Variants in PPP3CA observed in about 807,000 individuals in gnomAD.
PPP3CA encodes the protein protein phosphatase 3 catalytic subunit alpha.
Under a neutral mutation model 66.5 loss-of-function variants are expected in PPP3CA, and 14 were observed. The ratio of observed to expected loss-of-function variants is 0.21; its 90% CI spans 0.14 to 0.33. The LOEUF is 0.33. PPP3CA is among the 10% of genes least tolerant of loss of function. The probability of loss-of-function intolerance (pLI) is 1.00; values close to 1 mark genes in which losing one functional copy is unlikely to be tolerated. For missense variants in PPP3CA, 317 were observed against 639.5 expected (o/e 0.50, Z 5.44); for synonymous variants, 232 against 226.2 (o/e 1.03, Z -0.23).
At chr4:101,150,105 T>C (rs1185200074) in intron 2 of PPP3CA, among the ~76,000 whole-genome samples, 1 of 152,116 alleles carries the variant, frequency 6.6e-6, no homozygotes, top group African/African-American at 2.4e-5. Flanking sequence ...ATAATATACA[T>C]ACTTTCACCC....
chr4:101,304,612 T>C, intron 1 of PPP3CA, among the ~76,000 whole-genome samples: 1 of 152,196 alleles, frequency 6.6e-6, no homozygotes, highest in Non-Finnish European at 1.5e-5. Context: ...TCGAACAATT[T>C]CCTAAATTTC....
rs945854639 is a variant in PPP3CA at position 101,124,807 on chromosome 4, T to G, written c.260-15729A>C. On this transcript the variant is annotated intron_variant, in intron 2 of 13. Coordinates refer to ENST00000394854, the MANE Select transcript of PPP3CA (RefSeq NM_000944.5). Reference sequence around the variant, plus strand: ...AGAAAGAAAGAAAGAAAGAGAAAACTGTATTGGTGTTGAGGAGCACATTTT... The same window carrying G: ...AGAAAGAAAGAAAGAAAGAGAAAACGGTATTGGTGTTGAGGAGCACATTTT... 4.2e-5 allele frequency among the ~76,000 whole-genome samples: 6 copies of G among 144,382 alleles called. 1 individual carries two copies. Among genetic ancestry groups the G allele is most frequent in the African/African-American group, 1.3e-4 (5 of 38,980 alleles). The allele number at this position is 144,382 out of a possible 152,430, so 94.7% of individuals were successfully genotyped here.
At chr4:101,147,917 C>G in intron 2 of PPP3CA, among the ~76,000 whole-genome samples, 1 of 152,110 alleles carries the variant, frequency 6.6e-6, no homozygotes, top group Non-Finnish European at 1.5e-5. Context: ...TTGAGTAACT[C>G]CAAAATCTGG....
At chr4:101,163,775 G>A (rs1285612820) in intron 2 of PPP3CA, among the ~76,000 whole-genome samples, 2 of 151,940 alleles carry the variant, frequency 1.3e-5, no homozygotes, top group African/African-American at 2.4e-5. Context: ...AATAAGTAAA[G>A]CCAATTTTAC....
At chr4:101,334,900 T>A (rs934905002) in intron 1 of PPP3CA, among the ~76,000 whole-genome samples, 1 of 151,904 alleles carries the variant, frequency 6.6e-6, no homozygotes, top group Non-Finnish European at 1.5e-5. Flanking sequence ...TAAAAAAAAA[T>A]GTTCAGGGAA....
chr4:101,177,997 A>T (rs1296078979), intron 2 of PPP3CA, among the ~76,000 whole-genome samples: 1 of 152,160 alleles, frequency 6.6e-6, no homozygotes, highest in East Asian at 1.9e-4. Flanking sequence ...TAGTGGTAAT[A>T]AGTGATATTT....
intron 1 of PPP3CA, among the ~76,000 whole-genome samples, chr4:101,320,544 T>C (rs898830026): frequency 1.3e-5 from 2 of 151,402 alleles, no homozygotes; most frequent in Non-Finnish European, 2.9e-5. Flanking sequence ...TTTCCTCCAG[T>C]GGAGGGCGGA....
intron 1 of PPP3CA, among the ~76,000 whole-genome samples, chr4:101,324,476 G>GT (rs927616607): frequency 1.4e-4 from 21 of 152,096 alleles, no homozygotes; most frequent in African/African-American, 4.3e-4. Context: ...AACGAACAAA[G>GT]TATGTGCCTG....
chr4:101,278,057 C>T (rs958148099), intron 1 of PPP3CA, among the ~76,000 whole-genome samples: 2 of 138,326 alleles, frequency 1.4e-5, no homozygotes, highest in African/African-American at 5.5e-5. Flanking sequence ...TTGCTTTATA[C>T]GGAGAAAGGG....
At position 101,270,802 on chromosome 4, in the gene PPP3CA, CA is replaced by C. The variant is rs531220513; in HGVS notation, c.59-74687del. Among the ~76,000 whole-genome samples, 348 of 152,252 alleles carry C rather than the reference CA, an allele frequency of 2.3e-3. 2 individuals carry two copies. Among genetic ancestry groups the C allele is most frequent in the African/African-American group, 7.1e-3 (295 of 41,554 alleles). ...TCATTTTTAATTATGGTATATTTTA[CA>C]TTCCAAAAAATCATTGCCTAAAAGT... On this transcript the variant is annotated intron_variant, in intron 1 of 13. Coordinates refer to ENST00000394854, the MANE Select transcript of PPP3CA (RefSeq NM_000944.5).
At chr4:101,185,144 T>G (rs1367243427) in intron 2 of PPP3CA, among the ~76,000 whole-genome samples, 2 of 151,768 alleles carry the variant, frequency 1.3e-5, no homozygotes, top group Non-Finnish European at 2.9e-5. Flanking sequence ...AGCACTTGCA[T>G]GCCAAAATTC....
chr4:101,101,783 C>A (rs1730453763), intron 3 of PPP3CA, among the ~76,000 whole-genome samples: 1 of 152,098 alleles, frequency 6.6e-6, no homozygotes, highest in South Asian at 2.1e-4. Context: ...TCAGCCTCCT[C>A]CTAGTCAATA....
intron 3 of PPP3CA, among the ~76,000 whole-genome samples, chr4:101,106,476 AAAAGAAAAGAAAAGAAAAGAAAAG>A (rs1171216947): frequency 0.05 from 3,163 of 62,636 alleles, 404 homozygotes; most frequent in African/African-American, 0.093. Context: ...AAAAGAAAAG[AAAAGAAAAGAAAAGAAAAGAAAAG>A]AAAGAAAGAA....
chr4:101,279,979 G>A (rs1271966777), intron 1 of PPP3CA, among the ~76,000 whole-genome samples: 1 of 152,160 alleles, frequency 6.6e-6, no homozygotes, highest in Non-Finnish European at 1.5e-5. Flanking sequence ...TCAGTTCCTG[G>A]AACTGAAATC....
At chr4:101,225,915 T>G (rs1190317220) in intron 1 of PPP3CA, among the ~76,000 whole-genome samples, 1 of 151,780 alleles carries the variant, frequency 6.6e-6, no homozygotes, top group East Asian at 1.9e-4. Flanking sequence ...CATTTGTGTT[T>G]CAGTGTGGGG....
chr4:101,130,365 G>T (rs2110281993), intron 2 of PPP3CA, among the ~76,000 whole-genome samples: 1 of 152,270 alleles, frequency 6.6e-6, no homozygotes, highest in South Asian at 2.1e-4. Context: ...AACCTAGTAA[G>T]ACAGGCCAAC....
At chr4:101,126,177 A>G (rs931107661) in intron 2 of PPP3CA, among the ~76,000 whole-genome samples, 4 of 152,222 alleles carry the variant, frequency 2.6e-5, no homozygotes, top group African/African-American at 9.6e-5. Context: ...ATGCCAAGAG[A>G]CTACTCTTCT....
intron 1 of PPP3CA, among the ~76,000 whole-genome samples, chr4:101,284,524 C>T (rs1727777364): frequency 6.6e-6 from 1 of 152,052 alleles, no homozygotes; most frequent in Non-Finnish European, 1.5e-5. Flanking sequence ...AAAAAAGATA[C>T]CAACTAAAAA....
At chr4:101,059,507 C>T (rs113321090) in intron 10 of PPP3CA, among the ~76,000 whole-genome samples, 1 of 152,100 alleles carries the variant, frequency 6.6e-6, no homozygotes, top group South Asian at 2.1e-4. Flanking sequence ...TATATAGACT[C>T]TATTTACATG....
Sources: gnomAD v4.1 joint callset for allele counts (sites outside exome capture counted in the v4.1 genomes callset) on GRCh38, gnomAD v4.1.1 for gene constraint, MANE v1.5 for transcripts, NCBI Gene and HGNC (gene_info 2026-07-23, HGNC 2026-07-21) for gene names.